Variants in DNAH1 observed in about 807,000 individuals in gnomAD.
DNAH1 encodes axonemal beta dynein heavy chain 1.
A neutral mutation model predicts 484.3 loss-of-function variants in DNAH1; 327 were observed. The observed-to-expected ratio is 0.68, with a 90% confidence interval of 0.62 to 0.74. The LOEUF is 0.74. Among genes scored for constraint, DNAH1 ranks in the 30% least tolerant of loss-of-function variants. The pLI is 0.00. For synonymous variants in DNAH1, 2,192 were observed against 2,191.9 expected, an observed-to-expected ratio of 1.00 and a Z score of 0.00; for missense variants, 5,052 against 5,546.8, an observed-to-expected ratio of 0.91 and a Z score of 2.83.
intron 73 of DNAH1, 48 bp downstream of exon 73, chr3:52,397,092 G>A (rs559142216): frequency 6.6e-7 from 1 of 1,516,934 alleles, no homozygotes; most frequent in Non-Finnish European, 8.9e-7. Context: ...CCAGCCTGGG[G>A]TTCTGGGGTA....
At chr3:52,340,289 C>T (rs1701888335) in intron 8 of DNAH1, among the ~76,000 whole-genome samples, 1 of 151,740 alleles carries the variant, frequency 6.6e-6, no homozygotes, top group Non-Finnish European at 1.5e-5. Context: ...ACTTTGTTGC[C>T]CAGGCTGGTC....
intron 53 of DNAH1, 117 bp from the exon 54 acceptor site, chr3:52,385,220 G>C: frequency 8.8e-7 from 1 of 1,130,302 alleles, no homozygotes; most frequent in South Asian, 1.5e-5. Flanking sequence ...GGGCAATGTG[G>C]GGGCCACCGA....
Position 52,358,707 on chromosome 3 carries a change from CATT to C in DNAH1, c.4237_4239del (p.Ile1413del). On this transcript the variant is annotated inframe_deletion, in exon 25 of 78. Coordinates refer to ENST00000420323, the MANE Select transcript of DNAH1 (RefSeq NM_015512.5). This position sits in a 1 kb window ranked among gnomAD's most constrained non-coding sequence, Gnocchi z 4.2. ...GCATGAAGGCCAGTGTGCACGACATCATTGAGAAGGCCATCAGGGCCTACCCCA... is the reference window on the plus strand; with the variant it reads ...GCATGAAGGCCAGTGTGCACGACATCGAGAAGGCCATCAGGGCCTACCCCA... 1.2e-6 allele frequency: 2 copies of C among 1,612,950 alleles called. No individual in the cohort carries two copies. Among genetic ancestry groups the C allele is most frequent in the South Asian group, 1.1e-5 (1 of 91,056 alleles).
Position 52,360,317 on chromosome 3 carries a change from C to T in DNAH1, c.4578C>T (p.Tyr1526=). ...CATCTCCCTGCACCGCCAGGTACTA[C>T]TGGACAAATAATGACCTGTATATCC... ...DFQWISQLRY[Y]WTNNDLYIRA... The change falls in exon 28 of 78, where the codon TAC becomes TAT. Residue 1526 remains tyrosine (Y), a synonymous_variant. Transcript: ENST00000420323. The T allele has an allele frequency of 6.2e-7, 1 of 1,613,432 alleles. No homozygotes were observed. The highest frequency in any genetic ancestry group is 1.3e-5 in the African/African-American group (1 of 75,066).
Position 52,357,904 on chromosome 3 carries a change from C to T in DNAH1, c.3987C>T (p.Tyr1329=), listed in dbSNP as rs1184945596. 1.9e-6 allele frequency: 3 copies of T among 1,612,596 alleles called. No individual in the cohort carries two copies. The highest frequency in any genetic ancestry group is 1.3e-5 in the African/African-American group (1 of 74,920). ...ETKRSAFPRF[Y]FLSDDELLEI... ...ACCCCTGTTCCCCTGGCAGATTCTA[C>T]TTCCTGTCAGATGATGAACTACTAG... Residue 1329 remains tyrosine (Y), a synonymous_variant, in exon 24 of 78, where the codon TAC becomes TAT. Coordinates refer to ENST00000420323, the MANE Select transcript of DNAH1 (RefSeq NM_015512.5).
rs137937801 is a variant in DNAH1 at position 52,346,503 on chromosome 3, G to A, written c.1688G>A (p.Ser563Asn). The change falls in exon 11 of 78, where the codon AGC (serine) becomes AAC (asparagine). Residue 563 changes from serine (S) to asparagine (N), a missense_variant. Ser to Asn is a conservative substitution (Grantham distance 46). Transcript: ENST00000420323. ...VQMFLKDSWI[S>N]SLKVAMRSSL... ...ATGTTCCTCAAGGACAGCTGGATCA[G>A]CTCGCTAAAGGTGGCCATGCGCAGC... 2.7e-4 allele frequency: 435 copies of A among 1,612,766 alleles called. No homozygotes were observed. The African/African-American group carries it at 4.9e-3, about 18-fold the overall frequency.
chr3:52,346,003 G>A (rs1041743859), intron 10 of DNAH1, among the ~76,000 whole-genome samples: 1 of 152,202 alleles, frequency 6.6e-6, no homozygotes, highest in South Asian at 2.1e-4. Context: ...GTCTTAGAAG[G>A]GGGAGCAGGA....
At chr3:52,344,171 T>C (rs1302613198) in intron 8 of DNAH1, among the ~76,000 whole-genome samples, 3 of 152,162 alleles carry the variant, frequency 2.0e-5, no homozygotes, top group Non-Finnish European at 4.4e-5. Context: ...GTGGCAGCTC[T>C]CTGAGGCTTC....
At chr3:52,387,445 G>A (rs562801176) in intron 56 of DNAH1, among the ~76,000 whole-genome samples, 1 of 152,216 alleles carries the variant, frequency 6.6e-6, no homozygotes, top group South Asian at 2.1e-4. Flanking sequence ...TTAGCTAGGG[G>A]GCAGCTGCCT....
chr3:52,326,127 C>A lies in DNAH1; in HGVS notation c.407-13C>A, dbSNP rs199779498. Reference sequence around the variant, plus strand: ...CTGAGCCCTGAAGCCCCTGCCCCTGCTTCTACCTGCAGTCGGAAGCTTTGA... The same window carrying A: ...CTGAGCCCTGAAGCCCCTGCCCCTGATTCTACCTGCAGTCGGAAGCTTTGA... On this transcript the variant is annotated splice_polypyrimidine_tract_variant and intron_variant, in intron 3 of 77. Transcript: ENST00000420323. The A allele has an allele frequency of 7.2e-4, 1,140 of 1,572,940 alleles. No homozygotes were observed. The highest frequency in any genetic ancestry group is 9.3e-4 in the Non-Finnish European group (1,073 of 1,155,824).
At chr3:52,359,003 C>A (rs75461813) in intron 25 of DNAH1, among the ~76,000 whole-genome samples, 1 of 152,132 alleles carries the variant, frequency 6.6e-6, no homozygotes, top group East Asian at 1.9e-4. Flanking sequence ...TCTCTCAGCT[C>A]CATGACCATA....
chr3:52,393,224 G>A, intron 65 of DNAH1, 110 bp from the exon 66 acceptor site: 1 of 1,543,796 alleles, frequency 6.5e-7, no homozygotes, highest in Non-Finnish European at 8.8e-7. Flanking sequence ...CCCAAGAGGA[G>A]GCCCAGGCTG....
At chr3:52,392,406 G>A (rs1704427150) in intron 63 of DNAH1, 58 bp from the exon 64 acceptor site, 7 of 1,530,836 alleles carry the variant, frequency 4.6e-6, no homozygotes, top group Middle Eastern at 2.3e-4. Flanking sequence ...CCAGGTTCAC[G>A]ACTAGCCCTC....
At chr3:52,394,373 G>A in intron 66 of DNAH1, 92 bp from the exon 67 acceptor site, 1 of 1,226,120 alleles carries the variant, frequency 8.2e-7, no homozygotes, top group East Asian at 2.5e-5. Flanking sequence ...CTCCAGGTGA[G>A]GGTGGTTAGA....
intron 53 of DNAH1, 43 bp downstream of exon 53, chr3:52,385,020 A>C: frequency 6.3e-7 from 1 of 1,577,912 alleles, no homozygotes; most frequent in Non-Finnish European, 8.6e-7. Context: ...AGCTGCCTGC[A>C]GGCTGCCTGC....
intron 2 of DNAH1, 77 bp from the exon 3 acceptor site, chr3:52,323,730 TG>T: frequency 8.1e-7 from 1 of 1,227,572 alleles, no homozygotes; most frequent in South Asian, 1.4e-5. Context: ...GGGAGGCGCC[TG>T]GGCTCGGGGT....
Position 52,370,005 on chromosome 3 carries a change from G to C in DNAH1, c.6124G>C (p.Val2042Leu). The change falls in exon 38 of 78, where the codon GTC becomes CTC. Residue 2042 changes from valine (V) to leucine (L), a missense_variant. By Grantham distance (32) the Val-to-Leu change is conservative (BLOSUM62 1). This residue lies in a region of DNAH1 where 2,929 missense variants were observed against 3,409.4 expected (regional missense o/e 0.86). Transcript: ENST00000420323. Reference protein sequence around the residue: ...PYEEHFKALFVSFLEESISFV... With the variant: ...PYEEHFKALFLSFLEESISFV... Reference sequence around the variant, plus strand: ...TGAGGAGCATTTCAAGGCCCTCTTTGTCAGCTTCCTGGAGGTGAGTGAGGC... The same window carrying C: ...TGAGGAGCATTTCAAGGCCCTCTTTCTCAGCTTCCTGGAGGTGAGTGAGGC... The C allele has an allele frequency of 6.2e-7, 1 of 1,613,268 alleles. No individual in the cohort carries two copies. Among genetic ancestry groups the C allele is most frequent in the Non-Finnish European group, 8.5e-7 (1 of 1,179,366 alleles).
In DNAH1 at chr3:52,362,094, G is replaced by C. The variant is rs556085325; in HGVS notation, c.4981-294G>C. Among the ~76,000 whole-genome samples, 2 of 152,350 alleles carry C rather than the reference G, an allele frequency of 1.3e-5. No homozygotes were observed. The highest frequency in any genetic ancestry group is 2.9e-5 in the Non-Finnish European group (2 of 68,034). On this transcript the variant is annotated intron_variant, in intron 30 of 77. Transcript: ENST00000420323. This position sits in a 1 kb window ranked among gnomAD's most constrained non-coding sequence, Gnocchi z 5.1. ...GTTATCCCCTCCCCCACTTCCCCTA[G>C]TCAGGCTGAGCTTGGCTGGAGCTGG...
At position 52,346,787 on chromosome 3, in the gene DNAH1, C is replaced by T. The variant is rs372934622; in HGVS notation, c.1955+17C>T. The T allele has an allele frequency of 2.0e-5, 32 of 1,594,056 alleles. No individual in the cohort carries two copies. The highest frequency in any genetic ancestry group is 5.4e-5 in the African/African-American group (4 of 74,586). ...CCCCTACAGGTGGGGCCCGGCGGGG[C>T]GGAGGCACCTGTTGACACCAGGTGA... On this transcript the variant is annotated intron_variant, in intron 11 of 77. Coordinates refer to ENST00000420323, the MANE Select transcript of DNAH1 (RefSeq NM_015512.5).
Sources: gnomAD v4.1 joint callset for allele counts (sites outside exome capture counted in the v4.1 genomes callset) on GRCh38, gnomAD v4.1.1 for gene constraint, gnomAD v4.1.1 regional missense constraint, Gnocchi (gnomAD v3.1) non-coding constraint, MANE v1.5 for transcripts, NCBI Gene and HGNC (gene_info 2026-07-23, HGNC 2026-07-21) for gene names.